Variants in CRB1 observed in about 807,000 individuals in gnomAD.
The protein encoded by CRB1 is crumbs cell polarity complex component 1.
A neutral mutation model predicts 120.0 loss-of-function variants in CRB1; 83 were observed. The observed-to-expected ratio is 0.69, with a 90% confidence interval of 0.58 to 0.83. The LOEUF (loss-of-function observed/expected upper bound fraction) is 0.83, where lower values mean the gene tolerates loss of function less well. CRB1 is among the 40% of genes least tolerant of loss of function. The probability of loss-of-function intolerance (pLI) is 0.00; values close to 1 mark genes in which losing one functional copy is unlikely to be tolerated. For missense variants in CRB1, 1,699 were observed against 1,687.6 expected (o/e 1.01, Z -0.12); for synonymous variants, 625 against 612.5 (o/e 1.02, Z -0.30).
intron 1 of CRB1, among the ~76,000 whole-genome samples, chr1:197,270,186 A>T (rs372722782): frequency 3.9e-5 from 6 of 152,360 alleles, no homozygotes; most frequent in African/African-American, 1.4e-4. Flanking sequence ...AGTGAATAAC[A>T]TAATATCTAG....
At chr1:197,270,753 A>G (rs930846002) in intron 1 of CRB1, among the ~76,000 whole-genome samples, 1 of 152,176 alleles carries the variant, frequency 6.6e-6, no homozygotes, top group Admixed American at 6.6e-5. Context: ...AGTGAATGGT[A>G]GATCTGGAAT....
chr1:197,381,329 A>G (rs765011445), intron 5 of CRB1, among the ~76,000 whole-genome samples: 3 of 152,256 alleles, frequency 2.0e-5, no homozygotes, highest in Non-Finnish European at 4.4e-5. Context: ...ACTATACTTG[A>G]ATCATTCAAA....
intron 5 of CRB1, among the ~76,000 whole-genome samples, chr1:197,371,172 T>G (rs1661350769): frequency 6.6e-6 from 1 of 152,168 alleles, no homozygotes; most frequent in Non-Finnish European, 1.5e-5. Context: ...AGCACTATAA[T>G]TATTCCCTTG....
chr1:197,450,842 C>A (rs1255131340), intron 11 of CRB1, among the ~76,000 whole-genome samples: 2 of 144,190 alleles, frequency 1.4e-5, no homozygotes, highest in Non-Finnish European at 3.0e-5. Context: ...CGCCTGTAGT[C>A]CCAGCTACTT....
the CRB1 span, among the ~76,000 whole-genome samples, chr1:197,256,625 T>C: frequency 6.6e-6 from 1 of 152,216 alleles, no homozygotes; most frequent in Admixed American, 6.5e-5. Flanking sequence ...CATGAAATTC[T>C]AAATCTTTTG....
rs1661358691 is a variant in CRB1, at chr1:197,371,301, T to C, written c.1171+14288T>C. ...CACTTACAACCAATTTGAATGTGGT[T>C]GGAGAAAAACTCACAAGCCACACAC... On this transcript the variant is annotated intron_variant, in intron 5 of 11. Transcript: ENST00000367400. Among the ~76,000 whole-genome samples the C allele has an allele frequency of 2.6e-5, 4 of 152,306 alleles. No homozygotes were observed. The South Asian group carries it at 8.3e-4, about 32-fold the overall frequency.
chr1:197,302,269 A>AT (rs1010905685), intron 1 of CRB1, among the ~76,000 whole-genome samples: 33 of 152,328 alleles, frequency 2.2e-4, no homozygotes, highest in African/African-American at 7.7e-4. Flanking sequence ...GATCGTTAGC[A>AT]TTTTTTAGCA....
intron 2 of CRB1, among the ~76,000 whole-genome samples, chr1:197,339,180 A>G (rs777414486): frequency 1.2e-4 from 18 of 152,352 alleles, no homozygotes; most frequent in Middle Eastern, 6.8e-3. Context: ...ATCCACGTTT[A>G]ATCTCTTACA....
At chr1:197,448,712 A>G (rs1665819147) in intron 11 of CRB1, among the ~76,000 whole-genome samples, 1 of 152,100 alleles carries the variant, frequency 6.6e-6, no homozygotes, top group Non-Finnish European at 1.5e-5. Flanking sequence ...CCTTTCCCTG[A>G]TTGCCCCAGG....
the CRB1 span, among the ~76,000 whole-genome samples, chr1:197,221,827 A>G: frequency 6.6e-6 from 1 of 152,262 alleles, no homozygotes. Context: ...TCAGTGACTG[A>G]AAGTACTATT....
chr1:197,411,588 C>T (rs1158771159), intron 5 of CRB1, among the ~76,000 whole-genome samples: 1 of 152,130 alleles, frequency 6.6e-6, no homozygotes, highest in Non-Finnish European at 1.5e-5. Context: ...TATATCTATT[C>T]CATTCTGTCC....
chr1:197,224,111 T>A, the CRB1 span, among the ~76,000 whole-genome samples: 50 of 148,980 alleles, frequency 3.4e-4, no homozygotes, highest in Non-Finnish European at 4.6e-4. Flanking sequence ...TCCGAAAAAA[T>A]TTTTCTTTAA....
chr1:197,244,037 C>T, the CRB1 span, among the ~76,000 whole-genome samples: 3 of 152,202 alleles, frequency 2.0e-5, no homozygotes, highest in South Asian at 2.1e-4. Context: ...GTAGATATTC[C>T]TCCATCCCTT....
At chr1:197,214,821 C>G in the CRB1 span, among the ~76,000 whole-genome samples, 1 of 151,910 alleles carries the variant, frequency 6.6e-6, no homozygotes, top group South Asian at 2.1e-4. Flanking sequence ...CCTCCAAACT[C>G]TTTTCATGAG....
chr1:197,232,884 C>T, the CRB1 span, among the ~76,000 whole-genome samples: 1 of 151,906 alleles, frequency 6.6e-6, no homozygotes, highest in Admixed American at 6.6e-5. Flanking sequence ...TCATCACAGC[C>T]CCTCTATTAG....
At chr1:197,464,257 A>T (rs903101296) in intron 11 of CRB1, among the ~76,000 whole-genome samples, 11 of 152,150 alleles carry the variant, frequency 7.2e-5, no homozygotes, top group African/African-American at 2.4e-4. Flanking sequence ...CTGTGTGTTT[A>T]ATCTGTGCTG....
chr1:197,240,628 G>A, the CRB1 span, among the ~76,000 whole-genome samples: 1 of 152,120 alleles, frequency 6.6e-6, no homozygotes, highest in Admixed American at 6.5e-5. Context: ...TGCGCATTTG[G>A]TTTGGTTCCA....
At chr1:197,463,971 C>T (rs779825564) in intron 11 of CRB1, among the ~76,000 whole-genome samples, 5 of 152,042 alleles carry the variant, frequency 3.3e-5, no homozygotes, top group Non-Finnish European at 5.9e-5. Flanking sequence ...TAGCAGCAAA[C>T]GAATTTTAGT....
the CRB1 span, among the ~76,000 whole-genome samples, chr1:197,261,427 T>C: frequency 6.6e-6 from 1 of 152,238 alleles, no homozygotes; most frequent in Admixed American, 6.5e-5. Flanking sequence ...CATTAAAAAG[T>C]ATGTGAGTTA....
Sources: gnomAD v4.1 joint callset for allele counts (sites outside exome capture counted in the v4.1 genomes callset) on GRCh38, gnomAD v4.1.1 for gene constraint, MANE v1.5 for transcripts, NCBI Gene and HGNC (gene_info 2026-07-23, HGNC 2026-07-21) for gene names.